Variants in DNAH17 observed in about 807,000 individuals in gnomAD.
The protein encoded by DNAH17 is dynein axonemal heavy chain 17.
Under a neutral mutation model 485.6 loss-of-function variants are expected in DNAH17, and 376 were observed. The ratio of observed to expected loss-of-function variants is 0.77; its 90% CI spans 0.71 to 0.84. The LOEUF (loss-of-function observed/expected upper bound fraction) is 0.84, where lower values mean the gene tolerates loss of function less well. Ranked by LOEUF, DNAH17 falls within the 40% of genes least tolerant of loss-of-function variation. DNAH17 has a pLI of 0.00. For missense variants in DNAH17, 6,370 were observed against 5,839.3 expected (o/e 1.09, Z -2.96); for synonymous variants, 3,031 against 2,405.9 (o/e 1.26, Z -7.60).
chr17:78,434,818 G>C (rs1326657837), intron 74 of DNAH17, among the ~76,000 whole-genome samples: 6 of 152,234 alleles, frequency 3.9e-5, no homozygotes, highest in African/African-American at 1.4e-4. Context: ...TGAACACACA[G>C]AGGCTTCTGG....
intron 54 of DNAH17, among the ~76,000 whole-genome samples, chr17:78,474,382 GAGC>G (rs1308969528): frequency 6.6e-6 from 1 of 152,260 alleles, no homozygotes; most frequent in African/African-American, 2.4e-5. Flanking sequence ...TTGCCTGGGA[GAGC>G]AGATTTTCAG....
intron 21 of DNAH17, among the ~76,000 whole-genome samples, chr17:78,529,919 C>CA (rs1051979744): frequency 2.6e-5 from 4 of 152,220 alleles, no homozygotes; most frequent in African/African-American, 9.6e-5. Flanking sequence ...AGCCCATCCT[C>CA]AAGTCCCAAG....
intron 74 of DNAH17, among the ~76,000 whole-genome samples, chr17:78,436,312 C>T (rs1019385337): frequency 6.6e-6 from 1 of 152,132 alleles, no homozygotes; most frequent in African/African-American, 2.4e-5. Context: ...TCTGTAATCC[C>T]AGCTACTTGG....
intron 30 of DNAH17, 50 bp downstream of exon 30, chr17:78,506,670 G>A (rs2090493943): frequency 1.2e-6 from 2 of 1,612,050 alleles, no homozygotes; most frequent in Non-Finnish European, 1.7e-6. Flanking sequence ...CCCACCTGGG[G>A]TCTGGCATGA....
rs761601249 is a variant in DNAH17 at position 78,537,454 on chromosome 17, G to A, written c.2704C>T (p.Arg902Cys). 3.2e-5 allele frequency: 52 copies of A among 1,613,262 alleles called. No individual in the cohort carries two copies. Among genetic ancestry groups the A allele is most frequent in the East Asian group, 2.7e-4 (12 of 44,894 alleles). Reference protein sequence around the residue: ...DESIAPLFEIRMELDEDGLTF... With the variant: ...DESIAPLFEICMELDEDGLTF... ...AGCCCATCCTCGTCCAGCTCCATGC[G>A]GATCTCAAACAGGGGAGCGATACTC... Residue 902 changes from arginine (R) to cysteine (C), a missense_variant, in exon 19 of 81, where the codon CGC (arginine) becomes TGC (cysteine). Physicochemically the swap from Arg to Cys is radical, Grantham distance 180 (BLOSUM62 -3). Transcript: ENST00000389840.
chr17:78,476,773 C>G, intron 51 of DNAH17, 40 bp from the exon 52 acceptor site: 1 of 1,592,986 alleles, frequency 6.3e-7, no homozygotes. Flanking sequence ...TCAGCTGTTA[C>G]GAAGGCGAGC....
rs950629668 is a variant in DNAH17 at position 78,458,708 on chromosome 17, G to A, written c.9862-28C>T. ...GCAAAACCAAGTTGGAAAGCTGCTG[G>A]AAAACCCCACGAGGCATCTCTAGCC... is the stretch of plus-strand genomic sequence containing the variant. On this transcript the variant is annotated intron_variant, in intron 61 of 80. Transcript: ENST00000389840. 12 of 1,593,234 alleles carry A rather than the reference G, an allele frequency of 7.5e-6. No individual in the cohort carries two copies. The African/African-American group carries it at 1.5e-4, about 20-fold the overall frequency.
chr17:78,483,272 G>A lies in DNAH17; in HGVS notation c.7649+1596C>T, dbSNP rs547089980. ...CCCAGAGTAGGCTTCCTATAGTCGT[G>A]AGCTCTGGGAGTGTCGTTTAGTGAG... is the stretch of plus-strand genomic sequence containing the variant. On this transcript the variant is annotated intron_variant, in intron 48 of 80. Coordinates refer to ENST00000389840, the MANE Select transcript of DNAH17 (RefSeq NM_173628.4). 2.6e-5 allele frequency among the ~76,000 whole-genome samples: 4 copies of A among 152,340 alleles called. No individual in the cohort carries two copies. The South Asian group carries it at 8.3e-4, about 32-fold the overall frequency.
chr17:78,539,921 T>A (rs1326569952), intron 17 of DNAH17, 41 bp from the exon 18 acceptor site: 3 of 1,522,318 alleles, frequency 2.0e-6, no homozygotes, highest in African/African-American at 1.4e-5. Context: ...CTTCACTGGC[T>A]GTGCTTGCTC....
chr17:78,432,914 C>CG (rs1555650503), intron 75 of DNAH17, among the ~76,000 whole-genome samples: 1 of 130,256 alleles, frequency 7.7e-6, no homozygotes, highest in African/African-American at 3.0e-5. Flanking sequence ...CCCCCCCCCC[C>CG]GACCCCGGTG....
chr17:78,490,943 A>G lies in DNAH17; in HGVS notation c.6670-96T>C, dbSNP rs1325682770. On this transcript the variant is annotated intron_variant, in intron 43 of 80. Transcript: ENST00000389840. ...GGTTACTCGGAGCAAACCTCCGAGCAAGGAGGAGGGGCCCAGGCCAGCCCT... is the reference window on the plus strand; with the variant it reads ...GGTTACTCGGAGCAAACCTCCGAGCGAGGAGGAGGGGCCCAGGCCAGCCCT... 16 of 1,412,410 alleles carry G rather than the reference A, an allele frequency of 1.1e-5. No individual in the cohort carries two copies. In the East Asian group the frequency reaches 3.3e-4, roughly 29 times the overall value. The allele number at this position is 1,412,410 out of a possible 1,614,324, so 87.5% of individuals were successfully genotyped here.
rs2090431481 is a variant in DNAH17 at position 78,504,786 on chromosome 17, GATT to G, written c.4956+504_4956+506del. Among the ~76,000 whole-genome samples, 14 of 151,484 alleles carry G rather than the reference GATT, an allele frequency of 9.2e-5. No homozygotes were observed. The South Asian group carries it at 2.9e-3, about 32-fold the overall frequency. On this transcript the variant is annotated intron_variant, in intron 31 of 80. Coordinates refer to ENST00000389840, the MANE Select transcript of DNAH17 (RefSeq NM_173628.4). Reference sequence around the variant, plus strand: ...ACTCTGAGTGGTGGGCTGTGCAGCCGATTATTTCAGACAGGTGATGGGAATTGG... The same window carrying G: ...ACTCTGAGTGGTGGGCTGTGCAGCCGATTTCAGACAGGTGATGGGAATTGG...
chr17:78,505,048 C>T (rs534690823), intron 31 of DNAH17, among the ~76,000 whole-genome samples: 2 of 152,052 alleles, frequency 1.3e-5, no homozygotes, highest in African/African-American at 4.8e-5. Flanking sequence ...GCTTTTCTCC[C>T]GTCCTTTCCC....
At chr17:78,498,628 C>T (rs907535817) in intron 37 of DNAH17, among the ~76,000 whole-genome samples, 1 of 152,230 alleles carries the variant, frequency 6.6e-6, no homozygotes, top group Non-Finnish European at 1.5e-5. Context: ...CATTTCCTCC[C>T]TCCTCCTCTT....
intron 21 of DNAH17, 100 bp from the exon 22 acceptor site, chr17:78,529,794 A>G: frequency 2.5e-6 from 3 of 1,189,118 alleles, no homozygotes; most frequent in Non-Finnish European, 2.4e-6. Context: ...GGTGAGGTCA[A>G]CTGGCCATCA....
At chr17:78,490,552 C>T in intron 44 of DNAH17, 147 bp downstream of exon 44, 1 of 1,167,820 alleles carries the variant, frequency 8.6e-7, no homozygotes, top group Non-Finnish European at 1.2e-6. Flanking sequence ...TCTCTCACCC[C>T]TTCACTGCTG....
At chr17:78,427,222 A>G in intron 77 of DNAH17, 114 bp from the exon 78 acceptor site, 1 of 1,037,708 alleles carries the variant, frequency 9.6e-7, no homozygotes, top group Non-Finnish European at 1.4e-6. Flanking sequence ...AGAGGAGGGA[A>G]GAGGCAAGTA....
intron 31 of DNAH17, among the ~76,000 whole-genome samples, chr17:78,504,471 ACCACCCCACCCACCCCAC>A (rs36208944): frequency 1.3e-5 from 2 of 150,152 alleles, no homozygotes; most frequent in Non-Finnish European, 3.0e-5. Context: ...AGATGCTGTC[ACCACCCCACCCACCCCAC>A]CCACCCCATC....
chr17:78,535,052 TCTC>T (rs996681327), intron 19 of DNAH17, among the ~76,000 whole-genome samples: 12 of 152,132 alleles, frequency 7.9e-5, no homozygotes, highest in Non-Finnish European at 1.3e-4. Context: ...GAGGGACCCT[TCTC>T]CTGGGCAACA....
Sources: gnomAD v4.1 joint callset for allele counts (sites outside exome capture counted in the v4.1 genomes callset) on GRCh38, gnomAD v4.1.1 for gene constraint, MANE v1.5 for transcripts, NCBI Gene and HGNC (gene_info 2026-07-23, HGNC 2026-07-21) for gene names.